Variants in GNA12 observed in about 807,000 individuals in gnomAD.
GNA12 encodes the protein G protein subunit alpha 12.
A neutral mutation model predicts 26.0 loss-of-function variants in GNA12; 9 were observed. The observed-to-expected ratio is 0.35, with a 90% CI of 0.21 to 0.60. The LOEUF is 0.60. Ranked by LOEUF, GNA12 falls within the 20% of genes least tolerant of loss-of-function variation. GNA12 has a pLI of 0.78. For synonymous variants in GNA12, 264 were observed against 219.6 expected (o/e 1.20, Z -1.79); for missense variants, 405 against 525.8 (o/e 0.77, Z 2.25).
intron 1 of GNA12, among the ~76,000 whole-genome samples, chr7:2,796,849 C>A (rs779631761): frequency 1.3e-5 from 2 of 152,178 alleles, no homozygotes; most frequent in Non-Finnish European, 2.9e-5. Flanking sequence ...AAACAGCACC[C>A]CCTGAGCAGT....
chr7:2,733,826 C>T (rs1376203908), intron 2 of GNA12, among the ~76,000 whole-genome samples: 1 of 152,222 alleles, frequency 6.6e-6, no homozygotes, highest in Non-Finnish European at 1.5e-5. Context: ...CTGGCCCACT[C>T]CTGGCCATGC....
intron 1 of GNA12, among the ~76,000 whole-genome samples, chr7:2,839,036 T>C (rs910505222): frequency 1.7e-4 from 26 of 152,182 alleles, no homozygotes; most frequent in Non-Finnish European, 2.8e-4. Context: ...TGTAGAACAT[T>C]CCGCCAAACG....
At chr7:2,737,309 G>A (rs181589997) in intron 2 of GNA12, among the ~76,000 whole-genome samples, 2 of 75,200 alleles carry the variant, frequency 2.7e-5, no homozygotes, top group Non-Finnish European at 4.5e-5. Context: ...TTTTTTTTGA[G>A]ATGGAGTCTC....
At position 2,800,215 on chromosome 7, in the gene GNA12, G is replaced by A. The variant is rs139521011; in HGVS notation, c.310-5072C>T. 2.9e-3 allele frequency among the ~76,000 whole-genome samples: 437 copies of A among 152,322 alleles called. 2 individuals carry two copies. Among genetic ancestry groups the A allele is most frequent in the Middle Eastern group, 3.4e-3 (1 of 294 alleles). ...GAAGCTCTAGGATGTTATGTTAAAC[G>A]AAAAGTCAGTCTCAAAAGATCACGC... On this transcript the variant is annotated intron_variant, in intron 1 of 3. Coordinates refer to ENST00000275364, the MANE Select transcript of GNA12 (RefSeq NM_007353.3).
In GNA12 at chr7:2,731,879, A is replaced by C; in HGVS notation, c.577-129T>G. On this transcript the variant is annotated intron_variant, in intron 3 of 3. Coordinates refer to ENST00000275364, the MANE Select transcript of GNA12 (RefSeq NM_007353.3). This position sits in a 1 kb window ranked among gnomAD's most constrained non-coding sequence, Gnocchi z 6.0. ...TTGCAACAGGTTGAACCAGAAACCA[A>C]AAGCAAATTTCATTTATAACATTAT... The C allele has an allele frequency of 7.5e-6, 4 of 533,340 alleles. No individual in the cohort carries two copies. Among genetic ancestry groups the C allele is most frequent in the Non-Finnish European group, 1.3e-5 (4 of 306,906 alleles). 33.0% of individuals were successfully genotyped at this position (533,340 alleles called of 1,614,324 possible). A position where few individuals can be genotyped will look rare whatever the true frequency, so the allele number is the denominator to read the frequency against.
intron 1 of GNA12, among the ~76,000 whole-genome samples, chr7:2,796,694 T>C (rs1005652511): frequency 2.0e-5 from 3 of 152,208 alleles, no homozygotes; most frequent in African/African-American, 7.2e-5. Flanking sequence ...TACTTTTCAT[T>C]CTTTTGCTTG....
intron 1 of GNA12, among the ~76,000 whole-genome samples, chr7:2,813,304 C>T (rs568599346): frequency 6.6e-6 from 1 of 152,330 alleles, no homozygotes; most frequent in South Asian, 2.1e-4. Context: ...AACCGGCTTT[C>T]TCCACAGTCA....
chr7:2,751,598 T>G (rs951368612), intron 2 of GNA12, among the ~76,000 whole-genome samples: 3 of 152,134 alleles, frequency 2.0e-5, no homozygotes, highest in African/African-American at 7.2e-5. Context: ...GTTGGTTCTT[T>G]AAAAATGTCA....
chr7:2,778,234 C>T (rs78895915), intron 2 of GNA12, among the ~76,000 whole-genome samples: 1 of 152,194 alleles, frequency 6.6e-6, no homozygotes, highest in African/African-American at 2.4e-5. Context: ...GTCATAACAA[C>T]TTAATAAATC....
At chr7:2,739,367 C>A (rs970609440) in intron 2 of GNA12, among the ~76,000 whole-genome samples, 1 of 152,166 alleles carries the variant, frequency 6.6e-6, no homozygotes, top group Non-Finnish European at 1.5e-5. Flanking sequence ...CTCATTGGAG[C>A]GCATTCACAC....
In GNA12 at chr7:2,731,271, G is replaced by A. The variant is rs138692914; in HGVS notation, c.1056C>T (p.Thr352=). The A allele has an allele frequency of 4.3e-6, 7 of 1,613,478 alleles. No individual in the cohort carries two copies. The highest frequency in any genetic ancestry group is 4.5e-5 in the East Asian group (2 of 44,876). Residue 352 remains threonine, a synonymous_variant, in exon 4 of 4, where the codon ACC becomes ACT. Transcript: ENST00000275364. This position sits in a 1 kb window ranked among gnomAD's most constrained non-coding sequence, Gnocchi z 6.0. ...RSKPLFHHFT[T]AIDTENVRFV... is the part of the protein sequence containing the mutation. ...AGCGGACGTTCTCGGTGTCGATGGCGGTGGTGAAGTGGTGGAAGAGTGGCT... is the reference window on the plus strand; with the variant it reads ...AGCGGACGTTCTCGGTGTCGATGGCAGTGGTGAAGTGGTGGAAGAGTGGCT...
chr7:2,796,599 G>C (rs920652220), intron 1 of GNA12, among the ~76,000 whole-genome samples: 4 of 152,134 alleles, frequency 2.6e-5, no homozygotes, highest in Admixed American at 2.0e-4. Context: ...ACTAAAATAC[G>C]ACAAGCCAAG....
intron 1 of GNA12, among the ~76,000 whole-genome samples, chr7:2,805,406 TTTC>T (rs1208320862): frequency 6.6e-6 from 1 of 152,206 alleles, no homozygotes; most frequent in Non-Finnish European, 1.5e-5. Flanking sequence ...AGCTAGAGAT[TTTC>T]TTTTTTTTTG....
chr7:2,804,693 TG>T (rs1792900656), intron 1 of GNA12, among the ~76,000 whole-genome samples: 1 of 152,172 alleles, frequency 6.6e-6, no homozygotes, highest in Non-Finnish European at 1.5e-5. Flanking sequence ...GCCCATTCGT[TG>T]GGGCCATCTT....
intron 2 of GNA12, among the ~76,000 whole-genome samples, chr7:2,740,434 C>T (rs1422294396): frequency 6.6e-6 from 1 of 152,206 alleles, no homozygotes; most frequent in African/African-American, 2.4e-5. Flanking sequence ...AGCTGGCCGT[C>T]TGCAAGCGAG....
chr7:2,785,585 T>A (rs138741232), intron 2 of GNA12, among the ~76,000 whole-genome samples: 4 of 152,242 alleles, frequency 2.6e-5, no homozygotes, highest in African/African-American at 9.6e-5. Context: ...ATTTCTGACA[T>A]TGTGACTTAT....
intron 1 of GNA12, chr7:2,814,329 C>A: frequency 6.3e-7 from 1 of 1,584,644 alleles, no homozygotes; most frequent in East Asian, 2.2e-5. Flanking sequence ...CCAGGGTGTG[C>A]AATGAGTAGG....
At position 2,742,523 on chromosome 7, in the gene GNA12, T is replaced by A. The variant is rs181403818; in HGVS notation, c.526-9022A>T. Among the ~76,000 whole-genome samples the A allele has an allele frequency of 1.0e-3, 155 of 152,314 alleles. 1 individual carries two copies. Among genetic ancestry groups the A allele is most frequent in the African/African-American group, 3.7e-3 (154 of 41,578 alleles). On this transcript the variant is annotated intron_variant, in intron 2 of 3. Coordinates refer to ENST00000275364, the MANE Select transcript of GNA12 (RefSeq NM_007353.3). ...CCACATGGACTCACAGACGCTGTCATTTTCCAGGGGCTGTAATTCATCTCT... is the reference window on the plus strand; with the variant it reads ...CCACATGGACTCACAGACGCTGTCAATTTCCAGGGGCTGTAATTCATCTCT...
chr7:2,766,210 C>A (rs906937459), intron 2 of GNA12, among the ~76,000 whole-genome samples: 6 of 152,132 alleles, frequency 3.9e-5, no homozygotes, highest in Non-Finnish European at 8.8e-5. Context: ...TAAGCAGAAT[C>A]ATACTTCTGC....
Sources: allele counts gnomAD v4.1 joint callset (sites outside exome capture counted in the v4.1 genomes callset), GRCh38; gene constraint gnomAD v4.1.1; non-coding constraint Gnocchi (gnomAD v3.1); transcripts MANE v1.5; gene names NCBI Gene and HGNC (gene_info 2026-07-23, HGNC 2026-07-21).